The following CNTNAP1 variants were observed in gnomAD, a reference collection of about 807,000 sequenced individuals.
CNTNAP1 encodes the protein contactin associated protein 1.
In CNTNAP1, 80 loss-of-function variants were observed where a neutral mutation model predicts 161.5. The ratio of observed to expected loss-of-function variants is 0.50; its 90% CI spans 0.41 to 0.60. The LOEUF is 0.60. CNTNAP1 is among the 20% of genes least tolerant of loss of function. The probability of loss-of-function intolerance (pLI) is 0.00; values close to 1 mark genes in which losing one functional copy is unlikely to be tolerated. For missense variants in CNTNAP1, 1,464 were observed against 1,854.8 expected (o/e 0.79, Z 3.87); for synonymous variants, 695 against 733.1 (o/e 0.95, Z 0.84).
chr17:42,683,021 CTCA>C lies in CNTNAP1; in HGVS notation c.67+128_67+130del, dbSNP rs2052956756. The C allele has an allele frequency of 7.7e-6, 7 of 906,086 alleles. No individual in the cohort carries two copies. The African/African-American group carries it at 1.0e-4, about 13-fold the overall frequency. The allele number at this position is 906,086 out of a possible 1,614,324, so 56.1% of individuals were successfully genotyped here. On this transcript the variant is annotated intron_variant, in intron 1 of 23. Coordinates refer to ENST00000264638, the MANE Select transcript of CNTNAP1 (RefSeq NM_003632.3). The stretch of plus-strand genomic sequence containing the variant: ...CCCGGCCGGCGCGCGCCCGCTGGCT[CTCA>C]TCTTTTCCTGCCTCTCCCCCGCGCT...
chr17:42,688,036 G>T (rs1371516118), intron 8 of CNTNAP1, 55 bp downstream of exon 8: 1 of 1,579,962 alleles, frequency 6.3e-7, no homozygotes, highest in Non-Finnish European at 8.6e-7. Flanking sequence ...GAGGATCCCA[G>T]GAAAGTTGTA....
At position 42,698,786 on chromosome 17, in the gene CNTNAP1, C is replaced by T. The variant is rs765660313; in HGVS notation, c.4031C>T (p.Thr1344Ile). The T allele has an allele frequency of 4.3e-5, 69 of 1,611,448 alleles. No homozygotes were observed. The highest frequency in any genetic ancestry group is 5.6e-5 in the Non-Finnish European group (66 of 1,179,824). Residue 1344 changes from threonine (T) to isoleucine (I), a missense_variant, in exon 24 of 24, where the codon ACC (threonine) becomes ATC (isoleucine). By Grantham distance (89) the Thr-to-Ile change is moderately conservative. Around this residue, in one of 3 missense-constraint regions of CNTNAP1, gnomAD observed 1,383 missense variants for 1,765.0 expected, o/e 0.78. Coordinates refer to ENST00000264638, the MANE Select transcript of CNTNAP1 (RefSeq NM_003632.3). Reference sequence around the variant, plus strand: ...ACTTCAGGCCCTGCCCAGGTCCCCACCCCTACAGCAGCTCCCAACCAAGCT... The same window carrying T: ...ACTTCAGGCCCTGCCCAGGTCCCCATCCCTACAGCAGCTCCCAACCAAGCT... ...LPTSGPAQVPTPTAAPNQAPA... is the reference protein window; with the variant it reads ...LPTSGPAQVPIPTAAPNQAPA...
At position 42,685,865 on chromosome 17, in the gene CNTNAP1, G is replaced by T; in HGVS notation, c.716-92G>T. 1.5e-6 allele frequency: 2 copies of T among 1,374,558 alleles called. No homozygotes were observed. The highest frequency in any genetic ancestry group is 1.0e-6 in the Non-Finnish European group (1 of 993,886). 85.1% of individuals were successfully genotyped at this position (1,374,558 alleles called of 1,614,324 possible). ...TCGCCCACTCTCCCTGATTGCCCTG[G>T]GCTTTGTTACACGCTGCTGCTCTGC... is the stretch of plus-strand genomic sequence containing the variant. On this transcript the variant is annotated intron_variant, in intron 5 of 23. Coordinates refer to ENST00000264638, the MANE Select transcript of CNTNAP1 (RefSeq NM_003632.3). The surrounding 1 kb of genome is among the most constrained non-coding windows in gnomAD (Gnocchi z 5.0).
intron 16 of CNTNAP1, 63 bp downstream of exon 16, chr17:42,692,054 G>T (rs960163840): frequency 7.8e-6 from 12 of 1,547,140 alleles, no homozygotes; most frequent in Non-Finnish European, 1.1e-5. Context: ...GGAGACAGGG[G>T]TAGGCTGGGG....
Position 42,689,386 on chromosome 17 carries a change from A to G in CNTNAP1, c.1629-135A>G. Reference sequence around the variant, plus strand: ...CTAGTGCCCCTGCATCTGCGCTTATACCCGGCTGGCTAGGCGGGGTGTGTC... The same window carrying G: ...CTAGTGCCCCTGCATCTGCGCTTATGCCCGGCTGGCTAGGCGGGGTGTGTC... On this transcript the variant is annotated intron_variant, in intron 10 of 23. Transcript: ENST00000264638. 4.5e-6 allele frequency: 3 copies of G among 669,642 alleles called. No homozygotes were observed. The South Asian group carries it at 5.5e-5, about 12-fold the overall frequency. The allele number at this position is 669,642 out of a possible 1,614,324, so 41.5% of individuals were successfully genotyped here.
At position 42,698,824 on chromosome 17, in the gene CNTNAP1, C is replaced by A; in HGVS notation, c.4069C>A (p.Pro1357Thr). ...TCCCAACCAAGCTCCAGCCTCAGCCCCAGCCCCAGCCCCAACTCCAGCCCC... is the reference window on the plus strand; with the variant it reads ...TCCCAACCAAGCTCCAGCCTCAGCCACAGCCCCAGCCCCAACTCCAGCCCC... ...AAPNQAPASAPAPAPTPAPAP... is the reference protein window; with the variant it reads ...AAPNQAPASATAPAPTPAPAP... Residue 1357 changes from proline to threonine, a missense_variant, in exon 24 of 24, where the codon CCA (proline) becomes ACA (threonine). Pro to Thr is a conservative substitution (Grantham distance 38). Transcript: ENST00000264638. 6.2e-7 allele frequency: 1 copy of A among 1,602,658 alleles called. No homozygotes were observed. The highest frequency in any genetic ancestry group is 1.3e-5 in the African/African-American group (1 of 74,794).
At chr17:42,689,445 T>G in intron 10 of CNTNAP1, 76 bp from the exon 11 acceptor site, 1 of 1,166,408 alleles carries the variant, frequency 8.6e-7, no homozygotes. Flanking sequence ...GAGCTGGGAG[T>G]GAAGCTTGCA....
chr17:42,686,339 G>C (rs1184410412), intron 6 of CNTNAP1, among the ~76,000 whole-genome samples, 198 bp downstream of exon 6: 1 of 151,862 alleles, frequency 6.6e-6, no homozygotes, highest in East Asian at 1.9e-4. Flanking sequence ...AGGTGTTCAA[G>C]ACTCACCTGG....
chr17:42,696,243 A>T, intron 20 of CNTNAP1, 91 bp downstream of exon 20: 1 of 1,497,390 alleles, frequency 6.7e-7, no homozygotes, highest in Non-Finnish European at 9.2e-7. Flanking sequence ...TAATATTTGT[A>T]GATCACATTT....
intron 1 of CNTNAP1, chr17:42,683,266 G>A: frequency 2.5e-6 from 2 of 803,936 alleles, no homozygotes; most frequent in Non-Finnish European, 3.3e-6. Flanking sequence ...CTGGCCAAGG[G>A]GTGGGGTTTG....
chr17:42,683,835 G>A lies in CNTNAP1; in HGVS notation c.82G>A (p.Glu28Lys). Residue 28 changes from glutamate to lysine, a missense_variant, in exon 2 of 24, where the codon GAG becomes AAG. Coordinates refer to ENST00000264638, the MANE Select transcript of CNTNAP1 (RefSeq NM_003632.3). ...CCCTACCCTAGACGGCTGCGACGAG[G>A]AGCTGGTGGGTCCCCTGTATGCACG... ...EGWGYYGCDE[E>K]LVGPLYARSL... The A allele has an allele frequency of 1.2e-6, 2 of 1,612,076 alleles. No homozygotes were observed. The highest frequency in any genetic ancestry group is 1.7e-6 in the Non-Finnish European group (2 of 1,179,966).
At position 42,687,286 on chromosome 17, in the gene CNTNAP1, GC is replaced by G; in HGVS notation, c.1044+241del. Reference sequence around the variant, plus strand: ...TTAGTTCATAGATGAAGAAAGTAAGGCGCAGACACAGGGAGTGGCTTGTCCA... The same window carrying G: ...TTAGTTCATAGATGAAGAAAGTAAGGGCAGACACAGGGAGTGGCTTGTCCA... On this transcript the variant is annotated intron_variant, in intron 7 of 23. Transcript: ENST00000264638. The surrounding 1 kb of genome is among the most constrained non-coding windows in gnomAD (Gnocchi z 4.7). The G allele has an allele frequency of 1.8e-6, 1 of 558,460 alleles. No homozygotes were observed. The highest frequency in any genetic ancestry group is 3.1e-6 in the Non-Finnish European group (1 of 320,434). The allele number at this position is 558,460 out of a possible 1,614,324, so 34.6% of individuals were successfully genotyped here.
chr17:42,682,961 C>T, intron 1 of CNTNAP1, 65 bp downstream of exon 1: 1 of 1,451,800 alleles, frequency 6.9e-7, no homozygotes, highest in Non-Finnish European at 9.3e-7. Flanking sequence ...AGGGCGGCCC[C>T]GAACCGCATT....
At chr17:42,683,256 C>T (rs1179712094) in intron 1 of CNTNAP1, 1 of 699,844 alleles carries the variant, frequency 1.4e-6, no homozygotes, top group Non-Finnish European at 1.9e-6. Context: ...GACTTTGGAG[C>T]TGGCCAAGGG....
At chr17:42,683,262 AAGGGGTGGGGTTTGTGGCT>A (rs1346967308) in intron 1 of CNTNAP1, 23 of 762,214 alleles carry the variant, frequency 3.0e-5, no homozygotes, top group Non-Finnish European at 3.8e-5. Context: ...GGAGCTGGCC[AAGGGGTGGGGTTTGTGGCT>A]AGGGCTGGGG....
rs774326422 is a variant in CNTNAP1, at chr17:42,691,339, G to A, written c.2217-45G>A. On this transcript the variant is annotated intron_variant, in intron 14 of 23. Coordinates refer to ENST00000264638, the MANE Select transcript of CNTNAP1 (RefSeq NM_003632.3). This position sits in a 1 kb window ranked among gnomAD's most constrained non-coding sequence, Gnocchi z 4.3. ...GGTTTTTAGGACTCCGGGAGTGGGAGGAGCTGAGTGGCTGGGGCTGAGCCA... is the reference window on the plus strand; with the variant it reads ...GGTTTTTAGGACTCCGGGAGTGGGAAGAGCTGAGTGGCTGGGGCTGAGCCA... 22 of 1,613,922 alleles carry A rather than the reference G, an allele frequency of 1.4e-5. No homozygotes were observed. The highest frequency in any genetic ancestry group is 1.8e-5 in the Non-Finnish European group (21 of 1,179,982).
At position 42,687,063 on chromosome 17, in the gene CNTNAP1, G is replaced by A. The variant is rs746089259; in HGVS notation, c.1044+17G>A. 3.1e-6 allele frequency: 5 copies of A among 1,604,854 alleles called. No homozygotes were observed. The highest frequency in any genetic ancestry group is 2.2e-5 in the South Asian group (2 of 90,866). ...ACCTTCGAGGCCAGTGGGCAGGGGG[G>A]TCTGGGAGGACAGGATATCAAAGCG... is the stretch of plus-strand genomic sequence containing the variant. On this transcript the variant is annotated intron_variant, in intron 7 of 23. Coordinates refer to ENST00000264638, the MANE Select transcript of CNTNAP1 (RefSeq NM_003632.3). This position sits in a 1 kb window ranked among gnomAD's most constrained non-coding sequence, Gnocchi z 4.7.
intron 19 of CNTNAP1, 63 bp downstream of exon 19, chr17:42,695,937 T>C (rs1281465896): frequency 9.4e-6 from 15 of 1,596,324 alleles, no homozygotes; most frequent in South Asian, 7.9e-5. Context: ...AATTCTCCTA[T>C]TGATTCACAA....
At chr17:42,689,666 G>A (rs376295421) in intron 11 of CNTNAP1, 39 bp downstream of exon 11, 2 of 1,524,510 alleles carry the variant, frequency 1.3e-6, no homozygotes, top group Non-Finnish European at 1.8e-6. Context: ...AGGGACAAGG[G>A]AGGTCAATAG....
Sources: gnomAD v4.1 joint callset for allele counts (sites outside exome capture counted in the v4.1 genomes callset) on GRCh38, gnomAD v4.1.1 for gene constraint, gnomAD v4.1.1 regional missense constraint, Gnocchi (gnomAD v3.1) non-coding constraint, MANE v1.5 for transcripts, NCBI Gene and HGNC (gene_info 2026-07-23, HGNC 2026-07-21) for gene names.